The following MCEE variants were observed in gnomAD, a reference collection of about 807,000 sequenced individuals.
MCEE encodes the protein methylmalonyl-CoA epimerase.
MCEE carries 6 observed loss-of-function variants against 12.9 expected under a neutral mutation model. That is an observed-to-expected ratio of 0.47 (90% CI 0.26 to 0.92). The LOEUF (loss-of-function observed/expected upper bound fraction) is 0.92, where lower values mean the gene tolerates loss of function less well. Among genes scored for constraint, MCEE ranks in the 40% least tolerant of loss-of-function variants. The pLI is 0.16. For synonymous variants in MCEE, 78 were observed against 77.9 expected, an observed-to-expected ratio of 1.00 and a Z score of -0.01; for missense variants, 214 against 212.1, an observed-to-expected ratio of 1.01 and a Z score of -0.05.
At chr2:71,123,383 T>C (rs1042241165) in intron 2 of MCEE, among the ~76,000 whole-genome samples, 6 of 150,920 alleles carry the variant, frequency 4.0e-5, no homozygotes, top group African/African-American at 1.5e-4. Context: ...CCCAGCTACC[T>C]GGTAGGCTGA....
rs140495507 is a variant in MCEE at position 71,120,316 on chromosome 2, C to T, written c.378+3890G>A. Among the ~76,000 whole-genome samples, 823 of 150,122 alleles carry T rather than the reference C, an allele frequency of 5.5e-3. 18 individuals carry two copies. Among genetic ancestry groups the T allele is most frequent in the Middle Eastern group, 0.01 (3 of 292 alleles). On this transcript the variant is annotated intron_variant, in intron 2 of 2. Coordinates refer to ENST00000244217, the MANE Select transcript of MCEE (RefSeq NM_032601.4). ...AGCTTTGTCTCCTCAAGCAGAGGCA[C>T]GCAGAAGGCAGGGAAGGTGACCCCC...
intron 2 of MCEE, chr2:71,117,022 T>C (rs560502197): frequency 1.5e-4 from 23 of 150,854 alleles, no homozygotes; most frequent in Admixed American, 1.1e-3. Flanking sequence ...CTCTTAACTA[T>C]ACATGACATT....
chr2:71,127,752 G>A (rs761989986), intron 1 of MCEE, among the ~76,000 whole-genome samples: 5 of 152,128 alleles, frequency 3.3e-5, no homozygotes, highest in Admixed American at 6.6e-5. Flanking sequence ...TCAGCCTCCG[G>A]AGTAGCCGGG....
At chr2:71,110,145 A>G in intron 2 of MCEE, 23 bp from the exon 3 acceptor site, 2 of 1,606,404 alleles carry the variant, frequency 1.2e-6, no homozygotes, top group Non-Finnish European at 1.7e-6. Flanking sequence ...AAATAAATTG[A>G]ACACATTTGA....
chr2:71,113,895 T>A (rs1034910423), intron 2 of MCEE, among the ~76,000 whole-genome samples: 5 of 152,210 alleles, frequency 3.3e-5, no homozygotes, highest in African/African-American at 1.2e-4. Flanking sequence ...GTTGATAGTA[T>A]GAATCCTTGA....
At chr2:71,116,061 A>G (rs1228487866) in intron 2 of MCEE, among the ~76,000 whole-genome samples, 2 of 150,134 alleles carry the variant, frequency 1.3e-5, no homozygotes, top group Non-Finnish European at 2.9e-5. Flanking sequence ...TTTGCATACC[A>G]CTAGTGAAAA....
chr2:71,117,686 T>A (rs1429157983), intron 2 of MCEE: 1 of 150,378 alleles, frequency 6.6e-6, no homozygotes, highest in African/African-American at 2.5e-5. Context: ...CTCTACCTTT[T>A]GTCTTAGTTT....
intron 1 of MCEE, among the ~76,000 whole-genome samples, chr2:71,125,214 T>A (rs1356150865): frequency 2.9e-4 from 33 of 115,690 alleles, no homozygotes; most frequent in African/African-American, 9.2e-4. Flanking sequence ...TATATATATT[T>A]TTTTTTTTTT....
chr2:71,126,135 T>C (rs72903577), intron 1 of MCEE, among the ~76,000 whole-genome samples: 6,199 of 151,910 alleles, frequency 0.041, 386 homozygotes, highest in African/African-American at 0.13. Context: ...CAGATGTGAG[T>C]CACAGCACTA....
At chr2:71,121,700 G>A (rs868361465) in intron 2 of MCEE, among the ~76,000 whole-genome samples, 1 of 147,274 alleles carries the variant, frequency 6.8e-6, no homozygotes, top group Non-Finnish European at 1.5e-5. Flanking sequence ...GGAGAGGGGG[G>A]AGTGGATTCA....
intron 2 of MCEE, among the ~76,000 whole-genome samples, chr2:71,123,538 T>C (rs1348007440): frequency 6.6e-6 from 1 of 150,986 alleles, no homozygotes; most frequent in Non-Finnish European, 1.5e-5. Flanking sequence ...GGCTTAACAA[T>C]TATGTCATTC....
At chr2:71,110,774 C>A (rs1311010908) in intron 2 of MCEE, 3 of 152,722 alleles carry the variant, frequency 2.0e-5, no homozygotes, top group Non-Finnish European at 4.4e-5. Context: ...TATGGACACT[C>A]TAGGAGGAGC....
intron 1 of MCEE, chr2:71,129,719 T>C (rs1394227841): frequency 4.1e-6 from 1 of 245,850 alleles, no homozygotes; most frequent in Non-Finnish European, 8.2e-6. Context: ...CCACTGACCT[T>C]TGAGTGTTCC....
At chr2:71,126,516 G>A (rs1473296791) in intron 1 of MCEE, among the ~76,000 whole-genome samples, 2 of 141,082 alleles carry the variant, frequency 1.4e-5, no homozygotes, top group African/African-American at 5.3e-5. Flanking sequence ...ATGAGCTACT[G>A]TGCCCAGCCT....
chr2:71,114,502 C>G (rs937740633), intron 2 of MCEE, among the ~76,000 whole-genome samples: 2 of 152,168 alleles, frequency 1.3e-5, no homozygotes, highest in Admixed American at 6.5e-5. Flanking sequence ...ATGTATCAAA[C>G]TATTATAAGA....
chr2:71,112,054 CTATAA>C (rs2103773385), intron 2 of MCEE, among the ~76,000 whole-genome samples: 1 of 152,280 alleles, frequency 6.6e-6, no homozygotes, highest in African/African-American at 2.4e-5. Flanking sequence ...ACATGTCATT[CTATAA>C]TATGTCTTTT....
At chr2:71,130,010 C>T in intron 1 of MCEE, 170 bp downstream of exon 1, 2 of 709,352 alleles carry the variant, frequency 2.8e-6, no homozygotes, top group Admixed American at 4.2e-5. Context: ...TAAGCGGTGG[C>T]GCTTCTGGAA....
At chr2:71,117,805 C>T (rs916693532) in intron 2 of MCEE, among the ~76,000 whole-genome samples, 2 of 150,096 alleles carry the variant, frequency 1.3e-5, no homozygotes, top group African/African-American at 5.1e-5. Flanking sequence ...CACTGGGAAG[C>T]CAGGCTCCCA....
chr2:71,122,973 C>T (rs1164411489), intron 2 of MCEE, among the ~76,000 whole-genome samples: 1 of 152,244 alleles, frequency 6.6e-6, no homozygotes, highest in Non-Finnish European at 1.5e-5. Flanking sequence ...ATCTGTGCTA[C>T]TGCAAAGTCA....
Sources: allele counts gnomAD v4.1 joint callset (sites outside exome capture counted in the v4.1 genomes callset), GRCh38; gene constraint gnomAD v4.1.1; transcripts MANE v1.5; gene names NCBI Gene and HGNC (gene_info 2026-07-23, HGNC 2026-07-21).